UGT3A1: variants seen among roughly 807,000 people sequenced by gnomAD.
The protein encoded by UGT3A1 is UDP-glycosyltransferase 3A1.
Under a neutral mutation model 37.6 loss-of-function variants are expected in UGT3A1, and 40 were observed. The observed-to-expected ratio is 1.06, with a 90% CI of 0.83 to 1.38. UGT3A1 has a LOEUF of 1.38. Ranked by LOEUF, UGT3A1 falls within the 40% of genes most tolerant of loss-of-function variation. The pLI, the probability that UGT3A1 is intolerant of heterozygous loss-of-function variation, is 0.00. For missense variants in UGT3A1, 642 were observed against 634.2 expected, an observed-to-expected ratio of 1.01 and a Z score of -0.13; for synonymous variants, 256 against 232.3, an observed-to-expected ratio of 1.10 and a Z score of -0.93.
At chr5:35,998,699 A>C (rs1239980443) in intron 1 of UGT3A1, among the ~76,000 whole-genome samples, 1 of 152,196 alleles carries the variant, frequency 6.6e-6, no homozygotes, top group African/African-American at 2.4e-5. Context: ...AGAGGAGAGG[A>C]TGGAAATTTT....
chr5:35,982,645 G>A (rs180859189), intron 2 of UGT3A1, among the ~76,000 whole-genome samples: 13 of 152,338 alleles, frequency 8.5e-5, no homozygotes, highest in Non-Finnish European at 1.5e-4. Context: ...CTTCAGATGA[G>A]ACTTTGGACT....
upstream of UGT3A1, among the ~76,000 whole-genome samples, chr5:35,994,194 C>G (rs78987049): frequency 2.0e-5 from 3 of 152,166 alleles, no homozygotes; most frequent in African/African-American, 7.2e-5. Context: ...TTTTAAATGA[C>G]TAAAATTAGC....
At chr5:35,956,059 C>T (rs1276653156) in intron 5 of UGT3A1, among the ~76,000 whole-genome samples, 195 bp from the exon 6 acceptor site, 1 of 152,196 alleles carries the variant, frequency 6.6e-6, no homozygotes, top group Non-Finnish European at 1.5e-5. Flanking sequence ...GTAGAGATTC[C>T]TCACCTCAGC....
At chr5:35,967,885 A>T (rs1038648086) in intron 3 of UGT3A1, 134 bp downstream of exon 3, 2 of 695,192 alleles carry the variant, frequency 2.9e-6, no homozygotes, top group East Asian at 5.5e-5. Flanking sequence ...CCACTCACAC[A>T]TCATCTATTT....
upstream of UGT3A1, among the ~76,000 whole-genome samples, chr5:35,995,913 C>T (rs929063771): frequency 2.0e-5 from 3 of 151,486 alleles, no homozygotes; most frequent in Non-Finnish European, 4.4e-5. Context: ...ATTTCTTAAA[C>T]AGACTAGATG....
chr5:35,990,746 C>T (rs1740912043), intron 1 of UGT3A1, among the ~76,000 whole-genome samples: 1 of 152,122 alleles, frequency 6.6e-6, no homozygotes, highest in African/African-American at 2.4e-5. Context: ...GAAACGGTCA[C>T]CACCGTTTCT....
intron 4 of UGT3A1, among the ~76,000 whole-genome samples, chr5:35,957,735 C>A (rs1739414743): frequency 6.6e-6 from 1 of 152,146 alleles, no homozygotes; most frequent in Non-Finnish European, 1.5e-5. Context: ...ACAGAAAACG[C>A]TTTGATGAGT....
chr5:35,985,072 T>TAAAAAAAAAA, intron 2 of UGT3A1, among the ~76,000 whole-genome samples: 1 of 15,184 alleles, frequency 6.6e-5, no homozygotes, highest in Non-Finnish European at 1.5e-4. Context: ...AAAATAAACA[T>TAAAAAAAAAA]AAAATATAAA....
Position 35,953,962 on chromosome 5 carries a change from G to A in UGT3A1, c.*240C>T. 4.1e-6 allele frequency: 2 copies of A among 484,410 alleles called. No individual in the cohort carries two copies. Among genetic ancestry groups the A allele is most frequent in the Non-Finnish European group, 3.7e-6 (1 of 270,406 alleles). 30.0% of individuals were successfully genotyped at this position (484,410 alleles called of 1,614,324 possible). Reference sequence around the variant, plus strand: ...GTCTAGGAAAAGGGAGAAAGGAGGAGGCAGGGCTGGCAGGTGAAAATTTGT... The same window carrying A: ...GTCTAGGAAAAGGGAGAAAGGAGGAAGCAGGGCTGGCAGGTGAAAATTTGT... On this transcript the variant is annotated 3_prime_UTR_variant, in exon 7 of 7. Coordinates refer to ENST00000274278, the MANE Select transcript of UGT3A1 (RefSeq NM_152404.4).
At chr5:35,962,783 G>A (rs1021126470) in intron 4 of UGT3A1, 1 of 667,978 alleles carries the variant, frequency 1.5e-6, no homozygotes, top group East Asian at 2.7e-5. Context: ...AGGGCTAGGA[G>A]GTGTTTTTCC....
rs61733483 is a variant in UGT3A1 at position 35,965,454 on chromosome 5, G to A, written c.775C>T (p.Arg259Trp). 1.0e-3 allele frequency: 1,612 copies of A among 1,614,142 alleles called. 17 individuals carry two copies. In the African/African-American group the frequency reaches 0.019, roughly 19 times the overall value. Residue 259 changes from arginine to tryptophan, a missense_variant, in exon 4 of 7, where the codon CGG becomes TGG. By Grantham distance (101) the Arg-to-Trp change is moderately radical. Coordinates refer to ENST00000274278, the MANE Select transcript of UGT3A1 (RefSeq NM_152404.4). ...VNSDFAFDFARPLLPNTVYIG... is the reference protein window; with the variant it reads ...VNSDFAFDFAWPLLPNTVYIG... ...TAAACAGTGTTGGGAAGCAGGGGCCGGGCAAAATCAAAGGCAAAATCAGAG... is the reference window on the plus strand; with the variant it reads ...TAAACAGTGTTGGGAAGCAGGGGCCAGGCAAAATCAAAGGCAAAATCAGAG...
intron 1 of UGT3A1, among the ~76,000 whole-genome samples, chr5:35,990,346 G>A (rs1740894007): frequency 6.6e-6 from 1 of 152,042 alleles, no homozygotes; most frequent in Non-Finnish European, 1.5e-5. Flanking sequence ...TGATCTAAAA[G>A]GAATCCTTTA....
At chr5:35,991,408 C>T (rs1740948763), upstream of UGT3A1, 1 of 1,455,662 alleles carries the variant, frequency 6.9e-7, no homozygotes, top group Non-Finnish European at 9.1e-7. Flanking sequence ...CTCTTTCCCG[C>T]TGCCCCTCCT....
At chr5:35,964,045 G>T (rs548088996) in intron 4 of UGT3A1, among the ~76,000 whole-genome samples, 80 of 152,228 alleles carry the variant, frequency 5.3e-4, no homozygotes, top group South Asian at 3.3e-3. Flanking sequence ...ATAGTTAGTT[G>T]CACAACAATA....
At chr5:35,960,563 T>A (rs1241507865) in intron 4 of UGT3A1, among the ~76,000 whole-genome samples, 2 of 152,206 alleles carry the variant, frequency 1.3e-5, no homozygotes, top group Admixed American at 6.5e-5. Context: ...GCTTTGGGGC[T>A]CTGGCCCCAC....
intron 4 of UGT3A1, among the ~76,000 whole-genome samples, chr5:35,963,389 G>T (rs919247927): frequency 1.3e-5 from 2 of 152,138 alleles, no homozygotes; most frequent in Admixed American, 6.5e-5. Context: ...GACAAAAACG[G>T]ATTTCAGGGG....
chr5:35,991,496 C>A (rs1303987562), upstream of UGT3A1: 10 of 1,301,492 alleles, frequency 7.7e-6, no homozygotes, highest in Non-Finnish European at 8.8e-6. Context: ...GGGTTGGTAA[C>A]CTGATCTGTA....
chr5:35,954,139 G>T lies in UGT3A1; in HGVS notation c.*63C>A, dbSNP rs1413520801. The T allele has an allele frequency of 6.4e-7, 1 of 1,550,552 alleles. No individual in the cohort carries two copies. Among genetic ancestry groups the T allele is most frequent in the East Asian group, 2.3e-5 (1 of 44,400 alleles). ...AGAGAACAGAGGGGTGGCGTGTGCT[G>T]GGGTGGGGAGAACCTTCAAAGGACC... On this transcript the variant is annotated 3_prime_UTR_variant, in exon 7 of 7. Transcript: ENST00000274278.
intron 3 of UGT3A1, among the ~76,000 whole-genome samples, chr5:35,967,723 C>A (rs1362864760): frequency 6.6e-6 from 1 of 152,196 alleles, no homozygotes; most frequent in Non-Finnish European, 1.5e-5. Context: ...CAATCCCCTG[C>A]TTTCTATAGA....
Sources: gnomAD v4.1 joint callset for allele counts (sites outside exome capture counted in the v4.1 genomes callset) on GRCh38, gnomAD v4.1.1 for gene constraint, MANE v1.5 for transcripts, NCBI Gene and HGNC (gene_info 2026-07-23, HGNC 2026-07-21) for gene names.